The following COP1 variants were observed in gnomAD, a reference collection of about 807,000 sequenced individuals.
COP1 encodes E3 ubiquitin-protein ligase COP1.
A neutral mutation model predicts 101.3 loss-of-function variants in COP1; 24 were observed. The ratio of observed to expected loss-of-function variants is 0.24; its 90% CI spans 0.17 to 0.33. The LOEUF (loss-of-function observed/expected upper bound fraction) is 0.33. COP1 is among the 10% of genes least tolerant of loss of function. COP1 has a pLI of 1.00. For missense variants in COP1, 663 were observed against 906.2 expected, an observed-to-expected ratio of 0.73 and a Z score of 3.45; for synonymous variants, 347 against 341.9, an observed-to-expected ratio of 1.01 and a Z score of -0.17.
chr1:176,008,532 T>C (rs917470757), intron 15 of COP1, among the ~76,000 whole-genome samples: 2 of 152,248 alleles, frequency 1.3e-5, no homozygotes, highest in African/African-American at 2.4e-5. Flanking sequence ...TAACTCTTTG[T>C]GGTTTAATTA....
chr1:176,053,906 T>G (rs929333819), intron 11 of COP1, among the ~76,000 whole-genome samples: 1 of 152,316 alleles, frequency 6.6e-6, no homozygotes, highest in Middle Eastern at 3.4e-3. Context: ...CTAACCCTAG[T>G]TAAATTTCTC....
At chr1:176,043,591 G>T in intron 13 of COP1, 119 bp downstream of exon 13, 1 of 701,800 alleles carries the variant, frequency 1.4e-6, no homozygotes. Context: ...GTGTTACACA[G>T]GTATAAAAAA....
intron 15 of COP1, among the ~76,000 whole-genome samples, chr1:176,020,463 G>A (rs1417962330): frequency 6.6e-6 from 1 of 151,620 alleles, no homozygotes; most frequent in Admixed American, 6.6e-5. Context: ...TGGATCACCT[G>A]AGGTCAGAAG....
chr1:176,090,073 A>C (rs994358205), intron 9 of COP1, among the ~76,000 whole-genome samples: 13 of 152,176 alleles, frequency 8.5e-5, no homozygotes, highest in South Asian at 2.1e-4. Flanking sequence ...TTTGTTCTTC[A>C]CAACCCCTTA....
chr1:176,048,043 A>C (rs1359181642), intron 11 of COP1, among the ~76,000 whole-genome samples: 2 of 152,028 alleles, frequency 1.3e-5, no homozygotes, highest in African/African-American at 4.8e-5. Context: ...ACTGCACTCC[A>C]GCCTGGGTGA....
At chr1:176,064,441 T>C (rs1052758041) in intron 11 of COP1, among the ~76,000 whole-genome samples, 1 of 152,200 alleles carries the variant, frequency 6.6e-6, no homozygotes, top group East Asian at 1.9e-4. Flanking sequence ...TGAGTATAAT[T>C]TGTCAAATGT....
At chr1:176,123,561 C>T (rs945871837) in intron 8 of COP1, among the ~76,000 whole-genome samples, 1 of 152,058 alleles carries the variant, frequency 6.6e-6, no homozygotes, top group South Asian at 2.1e-4. Context: ...ATGGAATTAA[C>T]AGGGAATGGC....
chr1:176,127,794 T>G (rs1688265136), intron 8 of COP1, among the ~76,000 whole-genome samples: 1 of 152,146 alleles, frequency 6.6e-6, no homozygotes, highest in Non-Finnish European at 1.5e-5. Flanking sequence ...GGTAGTTCTA[T>G]TTTTAGTTTT....
intron 15 of COP1, chr1:176,018,343 C>T (rs1285596776): frequency 2.0e-5 from 3 of 152,060 alleles, no homozygotes; most frequent in African/African-American, 7.2e-5. Context: ...TTAAGGAAGT[C>T]TCAGTTATAT....
At chr1:176,098,344 A>G (rs1682790677) in intron 9 of COP1, among the ~76,000 whole-genome samples, 1 of 152,238 alleles carries the variant, frequency 6.6e-6, no homozygotes, top group Admixed American at 6.5e-5. Context: ...GAGGTGTGTT[A>G]TGATGTGTTT....
At chr1:176,058,184 G>GTT (rs1674106460) in intron 11 of COP1, among the ~76,000 whole-genome samples, 1 of 45,142 alleles carries the variant, frequency 2.2e-5, no homozygotes, top group African/African-American at 5.1e-5. Context: ...CCGGTAGGGA[G>GTT]GGGGGGGGTC....
At chr1:176,088,167 C>T (rs1411484292) in intron 9 of COP1, among the ~76,000 whole-genome samples, 2 of 151,736 alleles carry the variant, frequency 1.3e-5, no homozygotes, top group Non-Finnish European at 2.9e-5. Context: ...GACGAGTTAA[C>T]GGGTCCAGCA....
At position 176,007,803 on chromosome 1, in the gene COP1, G is replaced by C. The variant is rs371760056; in HGVS notation, c.1730-18324C>G. ...AGGTTACTGCTGTCTTTTTGTTTGT[G>C]TGTGCCCTGTCCCCAGAGGTGGAGC... On this transcript the variant is annotated intron_variant, in intron 15 of 19. Coordinates refer to ENST00000367669, the MANE Select transcript of COP1 (RefSeq NM_022457.7). Among the ~76,000 whole-genome samples the C allele has an allele frequency of 9.3e-4, 142 of 152,292 alleles. 5 individuals carry two copies. In the East Asian group the frequency reaches 0.011, roughly 12 times the overall value.
At chr1:176,080,261 T>C (rs993109426) in intron 11 of COP1, among the ~76,000 whole-genome samples, 1 of 152,118 alleles carries the variant, frequency 6.6e-6, no homozygotes, top group Non-Finnish European at 1.5e-5. Context: ...GTTTTTTTTG[T>C]GATGTGGCTA....
intron 11 of COP1, among the ~76,000 whole-genome samples, chr1:176,078,568 T>A (rs888421521): frequency 2.0e-5 from 3 of 151,398 alleles, no homozygotes; most frequent in Admixed American, 1.3e-4. Flanking sequence ...ATATCCTTCA[T>A]GACACAGGCT....
intron 15 of COP1, among the ~76,000 whole-genome samples, chr1:176,004,197 AT>A (rs1244216093): frequency 1.0e-4 from 15 of 150,234 alleles, no homozygotes; most frequent in Non-Finnish European, 2.1e-4. Flanking sequence ...TTGTACATTG[AT>A]TTTGTATCCT....
chr1:176,180,111 C>T (rs754872175), intron 2 of COP1, among the ~76,000 whole-genome samples: 1 of 152,112 alleles, frequency 6.6e-6, no homozygotes, highest in Non-Finnish European at 1.5e-5. Context: ...TTATCTTGTA[C>T]TTATTTCTGT....
intron 18 of COP1, among the ~76,000 whole-genome samples, chr1:175,964,037 T>A (rs1408980603): frequency 1.3e-5 from 2 of 152,228 alleles, no homozygotes; most frequent in Admixed American, 1.3e-4. Context: ...TGCCAACTAT[T>A]TTCTTAGTAC....
chr1:176,201,840 T>A (rs1700292025), intron 1 of COP1, among the ~76,000 whole-genome samples: 1 of 152,228 alleles, frequency 6.6e-6, no homozygotes. Context: ...GGCACATGTA[T>A]TATAAAGCAA....
Sources: gnomAD v4.1 joint callset for allele counts (sites outside exome capture counted in the v4.1 genomes callset) on GRCh38, gnomAD v4.1.1 for gene constraint, MANE v1.5 for transcripts, NCBI Gene and HGNC (gene_info 2026-07-23, HGNC 2026-07-21) for gene names.